MGAT4C: variants seen among roughly 807,000 people sequenced by gnomAD.
The protein encoded by MGAT4C is MGAT4 family member C, also known as alpha-1,3-mannosyl-glycoprotein 4-beta-N-acetylglucosaminyltransferase C.
A neutral mutation model predicts 40.1 loss-of-function variants in MGAT4C; 19 were observed. The ratio of observed to expected loss-of-function variants is 0.47; its 90% CI spans 0.33 to 0.70. The LOEUF is 0.70. Ranked by LOEUF, MGAT4C falls within the 30% of genes least tolerant of loss-of-function variation. The pLI, the probability that MGAT4C is intolerant of heterozygous loss-of-function variation, is 0.02. For synonymous variants in MGAT4C, 181 were observed against 187.1 expected (o/e 0.97, Z 0.27); for missense variants, 491 against 563.2 (o/e 0.87, Z 1.30).
At position 86,086,146 on chromosome 12, in the gene MGAT4C, C is replaced by A. The variant is rs148043608; in HGVS notation, c.-56-36423G>T. On this transcript the variant is annotated intron_variant, in intron 1 of 4. Coordinates refer to ENST00000611864, the MANE Select transcript of MGAT4C (RefSeq NM_001351288.2). ...CAAAGACTTGGACCCAACCCAAATG[C>A]CCATCAATGTTAGACTGCATAAAGA... is the stretch of plus-strand genomic sequence containing the variant. Among the ~76,000 whole-genome samples, 3 of 152,152 alleles carry A rather than the reference C, an allele frequency of 2.0e-5. 1 individual carries two copies. Among genetic ancestry groups the A allele is most frequent in the African/African-American group, 7.2e-5 (3 of 41,530 alleles).
chr12:86,739,130 G>A (rs1256780011), intron 1 of MGAT4C, among the ~76,000 whole-genome samples: 1 of 49,850 alleles, frequency 2.0e-5, no homozygotes, highest in African/African-American at 7.3e-5. Flanking sequence ...ATGTTTCCCT[G>A]TGCAAAAAAA....
chr12:86,807,202 C>T (rs1034993010), intron 1 of MGAT4C, among the ~76,000 whole-genome samples: 2 of 151,920 alleles, frequency 1.3e-5, no homozygotes, highest in Non-Finnish European at 1.5e-5. Context: ...TGGTGGTTTG[C>T]TGCACCTATC....
intron 2 of MGAT4C, among the ~76,000 whole-genome samples, chr12:86,618,258 A>G (rs1485443785): frequency 1.3e-5 from 2 of 152,220 alleles, no homozygotes; most frequent in Non-Finnish European, 2.9e-5. Flanking sequence ...ATTCTGGAAA[A>G]TAGTATGGCG....
At chr12:86,789,176 T>A (rs1177545003) in intron 1 of MGAT4C, among the ~76,000 whole-genome samples, 2 of 152,106 alleles carry the variant, frequency 1.3e-5, no homozygotes, top group East Asian at 1.9e-4. Context: ...CTTGCTAACA[T>A]TAAACAATAA....
Position 86,550,080 on chromosome 12 carries a change from C to A in MGAT4C, c.-228-114815G>T, listed in dbSNP as rs1959271392. Among the ~76,000 whole-genome samples, 5 of 152,260 alleles carry A rather than the reference C, an allele frequency of 3.3e-5. No individual in the cohort carries two copies. In the South Asian group the frequency reaches 1.0e-3, roughly 32 times the overall value. Reference sequence around the variant, plus strand: ...GATAGTGAGTGACTTCTCATGAGATCTGATGGTTTTATATGGGGCTTTTCC... The same window carrying A: ...GATAGTGAGTGACTTCTCATGAGATATGATGGTTTTATATGGGGCTTTTCC... On this transcript the variant is annotated intron_variant, in intron 2 of 7. Coordinates refer to the MGAT4C transcript ENST00000548651.
At chr12:86,338,029 C>T (rs774716247) in intron 3 of MGAT4C, among the ~76,000 whole-genome samples, 60 of 152,184 alleles carry the variant, frequency 3.9e-4, no homozygotes, top group Non-Finnish European at 6.8e-4. Context: ...TTCACCTTGC[C>T]TGCAGCCTAG....
chr12:86,467,608 T>C (rs989738400), intron 2 of MGAT4C, among the ~76,000 whole-genome samples: 1 of 152,182 alleles, frequency 6.6e-6, no homozygotes, highest in African/African-American at 2.4e-5. Flanking sequence ...AGATATAATT[T>C]AGATATATAT....
At chr12:86,085,893 G>A (rs1235601010) in intron 1 of MGAT4C, among the ~76,000 whole-genome samples, 3 of 152,072 alleles carry the variant, frequency 2.0e-5, no homozygotes, top group African/African-American at 7.2e-5. Flanking sequence ...GGAAACAACA[G>A]ATGCTGGAGA....
chr12:86,043,553 C>T lies in MGAT4C; in HGVS notation c.-7+6121G>A, dbSNP rs191651966. Among the ~76,000 whole-genome samples, 8 of 152,246 alleles carry T rather than the reference C, an allele frequency of 5.3e-5. No individual in the cohort carries two copies. The East Asian group carries it at 1.5e-3, about 29-fold the overall frequency. On this transcript the variant is annotated intron_variant, in intron 2 of 4. Coordinates refer to ENST00000611864, the MANE Select transcript of MGAT4C (RefSeq NM_001351288.2). ...CACACTGGCAGCTGATTAGACTGTGCCCACCCAGATTGAGAATGGGTCTGC... is the reference window on the plus strand; with the variant it reads ...CACACTGGCAGCTGATTAGACTGTGTCCACCCAGATTGAGAATGGGTCTGC...
At chr12:86,678,488 T>C (rs1018421435) in intron 2 of MGAT4C, among the ~76,000 whole-genome samples, 3 of 151,874 alleles carry the variant, frequency 2.0e-5, no homozygotes, top group Admixed American at 6.6e-5. Context: ...TGCAGGTTAG[T>C]TACATATGTA....
chr12:85,983,875 G>A (rs1014194886), intron 3 of MGAT4C, among the ~76,000 whole-genome samples: 1 of 151,942 alleles, frequency 6.6e-6, no homozygotes. Context: ...TAGCTCGCTC[G>A]CCTATTTTGC....
At chr12:86,397,750 C>T (rs745689045) in intron 3 of MGAT4C, among the ~76,000 whole-genome samples, 2 of 152,050 alleles carry the variant, frequency 1.3e-5, no homozygotes, top group Non-Finnish European at 2.9e-5. Flanking sequence ...TGCTTGAGGC[C>T]AGGTATTTGA....
In MGAT4C at chr12:86,419,406, A is replaced by C. The variant is rs987970369; in HGVS notation, c.-120+15751T>G. Among the ~76,000 whole-genome samples the C allele has an allele frequency of 2.0e-5, 3 of 151,350 alleles. No individual in the cohort carries two copies. In the East Asian group the frequency reaches 5.8e-4, roughly 29 times the overall value. On this transcript the variant is annotated intron_variant, in intron 3 of 7. Transcript: ENST00000548651. ...TACATATATATGTACATATATCCATACATACATAAATTTTAAATTATATAT... is the reference window on the plus strand; with the variant it reads ...TACATATATATGTACATATATCCATCCATACATAAATTTTAAATTATATAT...
intron 2 of MGAT4C, among the ~76,000 whole-genome samples, chr12:86,674,728 T>C (rs1964348038): frequency 1.3e-5 from 2 of 152,042 alleles, no homozygotes; most frequent in African/African-American, 4.8e-5. Context: ...ATTTTAAAGC[T>C]AAATATAATT....
At chr12:86,033,845 C>G (rs1261824068) in intron 2 of MGAT4C, among the ~76,000 whole-genome samples, 1 of 149,620 alleles carries the variant, frequency 6.7e-6, no homozygotes, top group Non-Finnish European at 1.5e-5. Flanking sequence ...CCAAAAGCTT[C>G]CAGCTCTTGC....
chr12:86,508,307 T>C (rs1290882734), intron 2 of MGAT4C, among the ~76,000 whole-genome samples: 1 of 151,148 alleles, frequency 6.6e-6, no homozygotes, highest in Non-Finnish European at 1.5e-5. Context: ...GAACATGCGG[T>C]GTTTGGTTTT....
At chr12:86,498,247 C>A (rs565909351) in intron 2 of MGAT4C, among the ~76,000 whole-genome samples, 1 of 151,508 alleles carries the variant, frequency 6.6e-6, no homozygotes, top group African/African-American at 2.4e-5. Flanking sequence ...CAAGTATATG[C>A]AGCCAACCTA....
chr12:86,481,147 A>C (rs1036413291), intron 2 of MGAT4C, among the ~76,000 whole-genome samples: 1 of 151,998 alleles, frequency 6.6e-6, no homozygotes, highest in Non-Finnish European at 1.5e-5. Flanking sequence ...TTGGTTTATA[A>C]TGCTATAAAT....
At chr12:86,039,222 T>C (rs1199933547) in intron 2 of MGAT4C, among the ~76,000 whole-genome samples, 1 of 152,148 alleles carries the variant, frequency 6.6e-6, no homozygotes, top group Non-Finnish European at 1.5e-5. Context: ...TCGAGGAGTA[T>C]CTTTGTGATG....
Sources: allele counts gnomAD v4.1 joint callset (sites outside exome capture counted in the v4.1 genomes callset), GRCh38; gene constraint gnomAD v4.1.1; transcripts MANE v1.5; gene names NCBI Gene and HGNC (gene_info 2026-07-23, HGNC 2026-07-21).